ASAP1: variants seen among roughly 807,000 people sequenced by gnomAD.
ASAP1 encodes the protein arf-GAP with SH3 domain, ANK repeat and PH domain-containing protein 1.
A neutral mutation model predicts 145.2 loss-of-function variants in ASAP1; 43 were observed. That is an observed-to-expected ratio of 0.30 (90% CI 0.23 to 0.38). The LOEUF (loss-of-function observed/expected upper bound fraction) is 0.38. Ranked by LOEUF, ASAP1 falls within the 10% of genes least tolerant of loss-of-function variation. The probability of loss-of-function intolerance (pLI) is 1.00; values close to 1 mark genes in which losing one functional copy is unlikely to be tolerated. For missense variants in ASAP1, 1,018 were observed against 1,355.3 expected, an observed-to-expected ratio of 0.75 and a Z score of 3.91; for synonymous variants, 546 against 515.5, an observed-to-expected ratio of 1.06 and a Z score of -0.80.
chr8:130,294,234 A>T (rs183894333), intron 3 of ASAP1, among the ~76,000 whole-genome samples: 563 of 152,342 alleles, frequency 3.7e-3, no homozygotes, highest in Non-Finnish European at 4.9e-3. Flanking sequence ...ACTTGGAACT[A>T]GTTCTCGATG....
At position 130,310,137 on chromosome 8, in the gene ASAP1, T is replaced by G. The variant is rs1248452922; in HGVS notation, c.186+47880A>C. ...CAAAATGGGGCTAATACAGTTTTTT[T>G]TGGGGGGGGGAGGGGGGTGAGGGGA... On this transcript the variant is annotated intron_variant, in intron 3 of 29. Transcript: ENST00000518721. Among the ~76,000 whole-genome samples, 16 of 28,150 alleles carry G rather than the reference T, an allele frequency of 5.7e-4. No homozygotes were observed. In the East Asian group the frequency reaches 0.02, roughly 36 times the overall value. The allele number at this position is 28,150 out of a possible 152,430, so 18.5% of individuals were successfully genotyped here.
chr8:130,390,942 C>CG (rs146330785), intron 2 of ASAP1, among the ~76,000 whole-genome samples: 8 of 149,432 alleles, frequency 5.4e-5, no homozygotes, highest in African/African-American at 7.5e-5. Context: ...ATCCCCCGCC[C>CG]CCCCAAAATT....
chr8:130,424,762 G>C (rs1829850893), intron 1 of ASAP1, among the ~76,000 whole-genome samples: 1 of 152,124 alleles, frequency 6.6e-6, no homozygotes, highest in East Asian at 1.9e-4. Flanking sequence ...GGTAGGTCAA[G>C]GTGGGCGGAT....
intron 12 of ASAP1, among the ~76,000 whole-genome samples, chr8:130,159,320 CA>C (rs2097664413): frequency 6.6e-6 from 1 of 151,932 alleles, no homozygotes; most frequent in African/African-American, 2.4e-5. Flanking sequence ...GAGAAAACTG[CA>C]GTGAATAAAA....
chr8:130,338,734 A>G (rs957015270), intron 3 of ASAP1, among the ~76,000 whole-genome samples: 2 of 152,166 alleles, frequency 1.3e-5, no homozygotes, highest in African/African-American at 4.8e-5. Flanking sequence ...CTGAATGCTG[A>G]GGACAATCCC....
intron 3 of ASAP1, among the ~76,000 whole-genome samples, chr8:130,334,984 T>C (rs367587715): frequency 1.3e-5 from 2 of 152,338 alleles, no homozygotes; most frequent in African/African-American, 4.8e-5. Context: ...ATTGCCTTCC[T>C]GTGCTTCCTG....
At chr8:130,128,223 T>A in intron 15 of ASAP1, 133 bp from the exon 16 acceptor site, 1 of 552,256 alleles carries the variant, frequency 1.8e-6, no homozygotes, top group Non-Finnish European at 2.8e-6. Flanking sequence ...GAAGCCCCCT[T>A]CCAAAATAGC....
intron 3 of ASAP1, among the ~76,000 whole-genome samples, chr8:130,312,710 A>G (rs1199515761): frequency 6.6e-6 from 1 of 152,214 alleles, no homozygotes; most frequent in Non-Finnish European, 1.5e-5. Context: ...CAATGTGGGG[A>G]TCTGAACTGA....
At chr8:130,439,057 G>A (rs1281934463) in intron 1 of ASAP1, among the ~76,000 whole-genome samples, 1 of 152,220 alleles carries the variant, frequency 6.6e-6, no homozygotes, top group Non-Finnish European at 1.5e-5. Flanking sequence ...GAGTAGCCTA[G>A]ATTATACAGG....
At chr8:130,186,099 G>A (rs1814708417) in intron 7 of ASAP1, among the ~76,000 whole-genome samples, 1 of 151,912 alleles carries the variant, frequency 6.6e-6, no homozygotes, top group Non-Finnish European at 1.5e-5. Flanking sequence ...CCAAGTTCAT[G>A]CACTGTTGTC....
Position 130,393,526 on chromosome 8 carries a change from C to T in ASAP1, c.59+8359G>A, listed in dbSNP as rs144597071. Among the ~76,000 whole-genome samples, 211 of 152,298 alleles carry T rather than the reference C, an allele frequency of 1.4e-3. 1 individual carries two copies. Among genetic ancestry groups the T allele is most frequent in the Non-Finnish European group, 2.4e-3 (164 of 68,016 alleles). On this transcript the variant is annotated intron_variant, in intron 2 of 29. Transcript: ENST00000518721. The stretch of plus-strand genomic sequence containing the variant: ...GTCCCAGCACTTTGGGAGGCCAAGG[C>T]GGGCAGATCACTTGAGGTCAGGAGT...
chr8:130,132,071 AG>A (rs1282210376), intron 15 of ASAP1, among the ~76,000 whole-genome samples: 1 of 152,212 alleles, frequency 6.6e-6, no homozygotes, highest in Admixed American at 6.5e-5. Flanking sequence ...TGAGGAAGAG[AG>A]AATGAAATCG....
At chr8:130,179,089 G>A (rs1316404625) in intron 9 of ASAP1, 175 bp downstream of exon 9, 4 of 488,344 alleles carry the variant, frequency 8.2e-6, no homozygotes, top group Non-Finnish European at 1.5e-5. Context: ...CTACTGATTT[G>A]TATAAAACAC....
intron 24 of ASAP1, among the ~76,000 whole-genome samples, chr8:130,099,928 G>C (rs1001215350): frequency 9.9e-5 from 15 of 152,078 alleles, no homozygotes; most frequent in African/African-American, 3.6e-4. Flanking sequence ...TGGACATTTA[G>C]ACTGATTCCA....
At chr8:130,355,144 G>A (rs1033244639) in intron 3 of ASAP1, among the ~76,000 whole-genome samples, 8 of 152,138 alleles carry the variant, frequency 5.3e-5, no homozygotes, top group African/African-American at 1.9e-4. Flanking sequence ...CTCCCAAAGT[G>A]CTGGGATTAC....
intron 15 of ASAP1, among the ~76,000 whole-genome samples, chr8:130,132,552 C>A (rs910547584): frequency 1.3e-5 from 2 of 152,168 alleles, no homozygotes; most frequent in African/African-American, 4.8e-5. Context: ...GAGGAACAAC[C>A]CCAGGAAACC....
intron 27 of ASAP1, among the ~76,000 whole-genome samples, chr8:130,061,357 G>A (rs2135065856): frequency 6.6e-6 from 1 of 152,286 alleles, no homozygotes; most frequent in South Asian, 2.1e-4. Flanking sequence ...GAATCGGAAA[G>A]TACAGAGTTC....
intron 3 of ASAP1, among the ~76,000 whole-genome samples, chr8:130,338,859 T>C (rs1449112842): frequency 1.3e-5 from 2 of 152,230 alleles, no homozygotes; most frequent in East Asian, 3.8e-4. Flanking sequence ...GAGGACTGTT[T>C]CCTGGGCATT....
chr8:130,132,552 C>G (rs910547584), intron 15 of ASAP1, among the ~76,000 whole-genome samples: 3 of 152,168 alleles, frequency 2.0e-5, no homozygotes, highest in Non-Finnish European at 2.9e-5. Context: ...GAGGAACAAC[C>G]CCAGGAAACC....
Sources: allele counts gnomAD v4.1 joint callset (sites outside exome capture counted in the v4.1 genomes callset), GRCh38; gene constraint gnomAD v4.1.1; transcripts MANE v1.5; gene names NCBI Gene and HGNC (gene_info 2026-07-23, HGNC 2026-07-21).